Variants in ABHD12 observed in about 807,000 individuals in gnomAD.
ABHD12 encodes the protein abhydrolase domain containing 12, lysophospholipase.
ABHD12 carries 43 observed loss-of-function variants against 58.3 expected under a neutral mutation model. The observed-to-expected ratio is 0.74, with a 90% CI of 0.58 to 0.95. The LOEUF (loss-of-function observed/expected upper bound fraction) is 0.95, where lower values mean the gene tolerates loss of function less well. ABHD12 is among the 40% of genes least tolerant of loss of function. The probability of loss-of-function intolerance (pLI) is 0.00; values close to 1 mark genes in which losing one functional copy is unlikely to be tolerated. For synonymous variants in ABHD12, 219 were observed against 211.2 expected (o/e 1.04, Z -0.32); for missense variants, 539 against 537.2 (o/e 1.00, Z -0.03).
chr20:25,333,897 G>A (rs534054076), intron 2 of ABHD12, among the ~76,000 whole-genome samples: 1 of 152,124 alleles, frequency 6.6e-6, no homozygotes, highest in African/African-American at 2.4e-5. Context: ...AAAACTGGCA[G>A]AAGACAGGGA....
At chr20:25,305,744 TA>T (rs1568712862) in intron 10 of ABHD12, among the ~76,000 whole-genome samples, 1 of 152,052 alleles carries the variant, frequency 6.6e-6, no homozygotes, top group South Asian at 2.1e-4. Context: ...GAAAAAGGTT[TA>T]AAAAAAGAAC....
At chr20:25,322,381 A>ATATATATATTTTTTTTTTTT in intron 3 of ABHD12, among the ~76,000 whole-genome samples, 7 of 59,270 alleles carry the variant, frequency 1.2e-4, no homozygotes, top group Non-Finnish European at 2.2e-4. Context: ...ATATATATAT[A>ATATATATATTTTTTTTTTTT]TTTTTTTTTT....
At chr20:25,318,507 A>G (rs2089004562) in intron 4 of ABHD12, among the ~76,000 whole-genome samples, 1 of 152,178 alleles carries the variant, frequency 6.6e-6, no homozygotes, top group South Asian at 2.1e-4. Context: ...TGGATCCCGC[A>G]GACCAGCGAA....
intron 1 of ABHD12, among the ~76,000 whole-genome samples, chr20:25,388,204 G>GT (rs2090120229): frequency 6.6e-6 from 1 of 152,074 alleles, no homozygotes; most frequent in East Asian, 1.9e-4. Context: ...ACAATAAAGA[G>GT]TTTAAAAAAT....
At chr20:25,355,683 C>T (rs563101462) in intron 1 of ABHD12, among the ~76,000 whole-genome samples, 4 of 152,168 alleles carry the variant, frequency 2.6e-5, no homozygotes, top group East Asian at 1.9e-4. Context: ...CTCAGCCTCC[C>T]GAGTAGCTGG....
chr20:25,352,724 T>G (rs1420636890), intron 1 of ABHD12, among the ~76,000 whole-genome samples: 1 of 152,170 alleles, frequency 6.6e-6, no homozygotes, highest in Non-Finnish European at 1.5e-5. Flanking sequence ...CAAAAAGATT[T>G]CTCAAAATTA....
rs548783266 is a variant in ABHD12, at chr20:25,330,490, T to C, written c.317-7060A>G. ...GCTCAAGGAGGTCTGCCTGCCTCTG[T>C]AGGCTCCACCTCTGGGGGCAGGGCA... On this transcript the variant is annotated intron_variant, in intron 2 of 12. Coordinates refer to ENST00000339157, the MANE Select transcript of ABHD12 (RefSeq NM_001042472.3). Among the ~76,000 whole-genome samples, 226 of 152,340 alleles carry C rather than the reference T, an allele frequency of 1.5e-3. 1 individual carries two copies. The highest frequency in any genetic ancestry group is 2.7e-3 in the Non-Finnish European group (185 of 68,026).
intron 2 of ABHD12, among the ~76,000 whole-genome samples, chr20:25,333,711 T>C (rs1466647155): frequency 2.0e-5 from 3 of 151,844 alleles, no homozygotes; most frequent in Admixed American, 2.0e-4. Context: ...AAAAACCACA[T>C]GATTATCTCA....
At chr20:25,296,476 A>G, downstream of ABHD12, 1 of 1,613,748 alleles carries the variant, frequency 6.2e-7, no homozygotes, top group Non-Finnish European at 8.5e-7. Context: ...TGGGGTGTGG[A>G]GCCCTCCGAC....
intron 1 of ABHD12, among the ~76,000 whole-genome samples, chr20:25,359,142 C>T (rs1346007450): frequency 6.6e-6 from 1 of 151,460 alleles, no homozygotes; most frequent in Non-Finnish European, 1.5e-5. Flanking sequence ...TTTCTATTGG[C>T]CGGGCGTGGT....
rs536623504 is a variant in ABHD12, at chr20:25,316,946, C to G, written c.573+102G>C. On this transcript the variant is annotated intron_variant, in intron 5 of 12. Transcript: ENST00000339157. ...CCCTGTCTCACACACACAAACAGCC[C>G]AGCAATAGTTAACTCTCAAGCTGTG... 163 of 1,091,056 alleles carry G rather than the reference C, an allele frequency of 1.5e-4. 1 individual carries two copies. In the South Asian group the frequency reaches 1.6e-3, roughly 11 times the overall value. 67.6% of individuals were successfully genotyped at this position (1,091,056 alleles called of 1,614,324 possible). A position where few individuals can be genotyped will look rare whatever the true frequency, so the allele number is the denominator to read the frequency against.
At chr20:25,349,314 T>C (rs1440064673) in intron 1 of ABHD12, among the ~76,000 whole-genome samples, 7 of 152,190 alleles carry the variant, frequency 4.6e-5, no homozygotes, top group Non-Finnish European at 1.0e-4. Flanking sequence ...CCAGCTGCTA[T>C]GGAAAACAGT....
chr20:25,337,742 C>T (rs913980513), intron 2 of ABHD12, among the ~76,000 whole-genome samples: 1 of 152,186 alleles, frequency 6.6e-6, no homozygotes, highest in Non-Finnish European at 1.5e-5. Flanking sequence ...CTTGTAGCTT[C>T]GTGTTTATAC....
At chr20:25,386,872 C>T (rs1264733877) in intron 1 of ABHD12, among the ~76,000 whole-genome samples, 1 of 151,984 alleles carries the variant, frequency 6.6e-6, no homozygotes, top group East Asian at 2.0e-4. Flanking sequence ...CAGAGTGAAA[C>T]CCCGCCTCAA....
downstream of ABHD12, chr20:25,296,267 C>T (rs112184159): frequency 2.5e-4 from 356 of 1,425,142 alleles, 1 homozygote; most frequent in African/African-American, 4.3e-3. Flanking sequence ...GGCCCCAAGG[C>T]TCGGAGCTCA....
intron 5 of ABHD12, 117 bp downstream of exon 5, chr20:25,316,931 C>A (rs2088973120): frequency 1.0e-6 from 1 of 958,166 alleles, no homozygotes; most frequent in Middle Eastern, 2.7e-4. Context: ...CCCTGTCTCA[C>A]ACACACAAAC....
chr20:25,296,573 TGCA>T (rs2088550212), downstream of ABHD12: 1 of 1,567,998 alleles, frequency 6.4e-7, no homozygotes, highest in East Asian at 2.3e-5. Flanking sequence ...TTGCTGACTT[TGCA>T]CCTCCTTTTT....
intron 1 of ABHD12, among the ~76,000 whole-genome samples, chr20:25,387,531 G>C (rs904544536): frequency 7.1e-6 from 1 of 141,444 alleles, no homozygotes; most frequent in Non-Finnish European, 1.5e-5. Context: ...AAGAAGGATC[G>C]CTTGAAGCCA....
chr20:25,384,960 TG>T (rs1230102195), intron 1 of ABHD12, among the ~76,000 whole-genome samples: 3 of 151,980 alleles, frequency 2.0e-5, no homozygotes, highest in Non-Finnish European at 4.4e-5. Context: ...AACATGTGTG[TG>T]TGTGTATGTG....
Sources: allele counts gnomAD v4.1 joint callset (sites outside exome capture counted in the v4.1 genomes callset), GRCh38; gene constraint gnomAD v4.1.1; transcripts MANE v1.5; gene names NCBI Gene and HGNC (gene_info 2026-07-23, HGNC 2026-07-21).